The following ACTR3C variants were observed in gnomAD, a reference collection of about 807,000 sequenced individuals.
ACTR3C encodes the protein actin-related protein 3C.
Under a neutral mutation model 26.3 loss-of-function variants are expected in ACTR3C, and 18 were observed. That is an observed-to-expected ratio of 0.68 (90% confidence interval 0.47 to 1.01). The LOEUF (loss-of-function observed/expected upper bound fraction) is 1.01, where lower values mean the gene tolerates loss of function less well. Among genes scored for constraint, ACTR3C ranks in the 50% least tolerant of loss-of-function variants. The pLI is 0.00. For synonymous variants in ACTR3C, 55 were observed against 94.5 expected (o/e 0.58, Z 2.42); for missense variants, 184 against 250.7 (o/e 0.73, Z 1.80).
the ACTR3C span, among the ~76,000 whole-genome samples, chr7:150,095,364 G>A: frequency 1.3e-5 from 2 of 150,542 alleles, no homozygotes; most frequent in Non-Finnish European, 2.9e-5. Context: ...GCCAACCGGG[G>A]AAGCCCTGGA....
At chr7:150,106,879 G>A in the ACTR3C span, among the ~76,000 whole-genome samples, 1 of 146,476 alleles carries the variant, frequency 6.8e-6, no homozygotes, top group Non-Finnish European at 1.5e-5. Flanking sequence ...TATTAACTGT[G>A]GTCTACTTTT....
the ACTR3C span, chr7:149,909,680 TG>T: frequency 4.3e-6 from 2 of 462,040 alleles, no homozygotes; most frequent in Non-Finnish European, 7.5e-6. Context: ...GGCTCAGTGT[TG>T]CCTGCGTAGC....
chr7:150,307,482 A>T (rs920017584), intron 1 of ACTR3C, among the ~76,000 whole-genome samples: 3 of 152,124 alleles, frequency 2.0e-5, no homozygotes, highest in Non-Finnish European at 4.4e-5. Context: ...AAGACTTATG[A>T]TCTCCCCACC....
At chr7:150,117,491 T>C in the ACTR3C span, among the ~76,000 whole-genome samples, 1 of 152,320 alleles carries the variant, frequency 6.6e-6, no homozygotes, top group East Asian at 1.9e-4. Flanking sequence ...GCGGAGCCCA[T>C]GGCAGCACGG....
At chr7:150,063,183 G>A in the ACTR3C span, among the ~76,000 whole-genome samples, 115 of 145,634 alleles carry the variant, frequency 7.9e-4, no homozygotes, top group South Asian at 5.1e-3. Flanking sequence ...TCATTTATTC[G>A]TCTATTAAGT....
chr7:150,320,544 C>T (rs1428847993), intron 1 of ACTR3C, among the ~76,000 whole-genome samples: 6 of 152,310 alleles, frequency 3.9e-5, no homozygotes, highest in African/African-American at 1.4e-4. Flanking sequence ...GGGTGGATCA[C>T]TTGAAGTCAG....
the ACTR3C span, among the ~76,000 whole-genome samples, chr7:149,913,620 C>T: frequency 6.6e-6 from 1 of 151,788 alleles, no homozygotes; most frequent in Non-Finnish European, 1.5e-5. Context: ...GCGCGATTCA[C>T]TAAATGGGAA....
chr7:150,223,306 T>G, the ACTR3C span, among the ~76,000 whole-genome samples: 1 of 152,106 alleles, frequency 6.6e-6, no homozygotes, highest in Non-Finnish European at 1.5e-5. Flanking sequence ...TATTAATTTA[T>G]CCATTCTCTT....
At chr7:150,203,184 C>T in the ACTR3C span, among the ~76,000 whole-genome samples, 1 of 152,164 alleles carries the variant, frequency 6.6e-6, no homozygotes, top group Non-Finnish European at 1.5e-5. Flanking sequence ...AATCAGAATC[C>T]ACATTTTAAC....
chr7:150,171,678 T>G, the ACTR3C span, among the ~76,000 whole-genome samples: 1 of 150,106 alleles, frequency 6.7e-6, no homozygotes, highest in African/African-American at 2.5e-5. Context: ...ATGGAGAAAA[T>G]AAATAAAACC....
chr7:149,990,068 T>C, the ACTR3C span, among the ~76,000 whole-genome samples: 1 of 152,028 alleles, frequency 6.6e-6, no homozygotes, highest in Non-Finnish European at 1.5e-5. Context: ...CCTTCATCCA[T>C]CCCTCCCCAC....
chr7:149,999,162 T>G, the ACTR3C span, among the ~76,000 whole-genome samples: 1 of 150,708 alleles, frequency 6.6e-6, no homozygotes, highest in African/African-American at 2.4e-5. Context: ...GTGCGTAGTT[T>G]TAAGCCACTA....
the ACTR3C span, among the ~76,000 whole-genome samples, chr7:150,049,458 G>C: frequency 6.6e-6 from 1 of 152,228 alleles, no homozygotes; most frequent in Non-Finnish European, 1.5e-5. Flanking sequence ...CATGGAGGTA[G>C]GTCGTTGGCT....
chr7:150,280,675 G>T (rs1171140191), intron 6 of ACTR3C, among the ~76,000 whole-genome samples: 1 of 152,116 alleles, frequency 6.6e-6, no homozygotes, highest in Non-Finnish European at 1.5e-5. Flanking sequence ...CATTGAAAAA[G>T]GTAGCTGTGT....
chr7:150,041,772 T>A, the ACTR3C span, among the ~76,000 whole-genome samples: 1,144 of 134,462 alleles, frequency 8.5e-3, 5 homozygotes, highest in African/African-American at 0.014. Context: ...AGGGACTGGC[T>A]CTCAGTCCCT....
chr7:150,010,228 C>T, the ACTR3C span, among the ~76,000 whole-genome samples: 6 of 152,224 alleles, frequency 3.9e-5, no homozygotes, highest in Non-Finnish European at 8.8e-5. Context: ...CACCTACTGA[C>T]ACTTTAGCTG....
At chr7:150,251,501 TG>T (rs1832853511) in intron 6 of ACTR3C, among the ~76,000 whole-genome samples, 1 of 152,180 alleles carries the variant, frequency 6.6e-6, no homozygotes, top group African/African-American at 2.4e-5. Context: ...AAAACATGGT[TG>T]CTATAGATTT....
At chr7:149,970,588 A>G in the ACTR3C span, among the ~76,000 whole-genome samples, 23 of 152,304 alleles carry the variant, frequency 1.5e-4, no homozygotes, top group Admixed American at 1.2e-3. Context: ...CCCCATTTGG[A>G]TAAAAAATTA....
the ACTR3C span, among the ~76,000 whole-genome samples, chr7:150,006,634 G>T: frequency 0.62 from 92,223 of 149,180 alleles, 28,593 homozygotes; most frequent in East Asian, 0.79. Flanking sequence ...GTTCCACCTG[G>T]GGTCCCTGGT....
Sources: allele counts gnomAD v4.1 joint callset (sites outside exome capture counted in the v4.1 genomes callset), GRCh38; gene constraint gnomAD v4.1.1; transcripts MANE v1.5; gene names NCBI Gene and HGNC (gene_info 2026-07-23, HGNC 2026-07-21).